Variants in ANKRD11 observed in about 807,000 individuals in gnomAD.
The protein encoded by ANKRD11 is ankyrin repeat domain-containing protein 11.
A neutral mutation model predicts 195.7 loss-of-function variants in ANKRD11; 17 were observed. The observed-to-expected ratio is 0.09, with a 90% confidence interval of 0.06 to 0.13. The LOEUF (loss-of-function observed/expected upper bound fraction) is 0.13, where lower values mean the gene tolerates loss of function less well. Ranked by LOEUF, ANKRD11 falls within the 10% of genes least tolerant of loss-of-function variation. The probability of loss-of-function intolerance (pLI) is 1.00; values close to 1 mark genes in which losing one functional copy is unlikely to be tolerated. For missense variants in ANKRD11, 3,735 were observed against 3,566.1 expected, an observed-to-expected ratio of 1.05 and a Z score of -1.21; for synonymous variants, 1,953 against 1,528.1, an observed-to-expected ratio of 1.28 and a Z score of -6.49.
At chr16:89,403,412 A>G (rs1440455806) in intron 2 of ANKRD11, among the ~76,000 whole-genome samples, 1 of 152,132 alleles carries the variant, frequency 6.6e-6, no homozygotes, top group Non-Finnish European at 1.5e-5. Context: ...CACGCAGGTG[A>G]GGGCAGAGCG....
intron 2 of ANKRD11, among the ~76,000 whole-genome samples, chr16:89,347,433 C>T (rs1567681285): frequency 6.6e-6 from 1 of 152,012 alleles, no homozygotes; most frequent in Non-Finnish European, 1.5e-5. Flanking sequence ...CACGGTGAAA[C>T]CCCGTCTCTA....
At chr16:89,396,011 G>A (rs2041410931) in intron 2 of ANKRD11, 1 of 152,200 alleles carries the variant, frequency 6.6e-6, no homozygotes, top group South Asian at 2.1e-4. Flanking sequence ...AAGAATGACC[G>A]ACCGACATGC....
At chr16:89,408,866 A>AT (rs1180578856) in intron 2 of ANKRD11, among the ~76,000 whole-genome samples, 2 of 152,258 alleles carry the variant, frequency 1.3e-5, no homozygotes, top group African/African-American at 4.8e-5. Context: ...AAAAGAGAAC[A>AT]TAAGTGAAGA....
rs553661296 is a variant in ANKRD11, at chr16:89,313,930, A to AAAAC, written c.87+2999_87+3002dup. 4.9e-3 allele frequency among the ~76,000 whole-genome samples: 754 copies of AAAAC among 152,366 alleles called. 5 individuals carry two copies. Among genetic ancestry groups the AAAAC allele is most frequent in the African/African-American group, 0.017 (718 of 41,586 alleles). ...CCTGGCTTTACTGTGAGTAGTTGGA[A>AAAAC]AAACAAACAAACAAACAAAACAGGA... On this transcript the variant is annotated intron_variant, in intron 3 of 12. Coordinates refer to ENST00000301030, the MANE Select transcript of ANKRD11 (RefSeq NM_013275.6).
Position 89,284,697 on chromosome 16 carries a change from C to T in ANKRD11, c.1845G>A (p.Ala615=), listed in dbSNP as rs774397190. 2.2e-5 allele frequency: 36 copies of T among 1,613,982 alleles called. No individual in the cohort carries two copies. In the East Asian group the frequency reaches 2.5e-4, roughly 11 times the overall value. Residue 615 remains alanine, a synonymous_variant, in exon 9 of 13, where the codon GCG becomes GCA. Transcript: ENST00000301030. ...SEKKSPFLSS[A]EGAVPKLDKE... ...TGTCCAGTTTGGGGACAGCGCCCTC[C>T]GCGCTGGACAGGAAGGGGCTCTTCT...
intron 1 of ANKRD11, among the ~76,000 whole-genome samples, chr16:89,419,092 A>C (rs950445138): frequency 6.6e-6 from 1 of 152,228 alleles, no homozygotes; most frequent in Non-Finnish European, 1.5e-5. Flanking sequence ...AAAAAAGATA[A>C]GGTGGTTTTC....
At chr16:89,415,616 ACAGGCATTCAAGAC>A (rs1463323831) in intron 2 of ANKRD11, among the ~76,000 whole-genome samples, 2 of 151,418 alleles carry the variant, frequency 1.3e-5, no homozygotes, top group East Asian at 3.9e-4. Context: ...ACAATGGAGA[ACAGGCATTCAAGAC>A]CAGCCTGGCC....
rs746615405 is a variant in ANKRD11, at chr16:89,279,315, C to T, written c.7227G>A (p.Glu2409=). 16 of 1,611,794 alleles carry T rather than the reference C, an allele frequency of 9.9e-6. No homozygotes were observed. Among genetic ancestry groups the T allele is most frequent in the Middle Eastern group, 2.2e-4 (1 of 4,570 alleles). Reference sequence around the variant, plus strand: ...TGGCGGCCAGCGTCTGCTGGATCACCTCCCGCGTCTGCTGCGTGGACGTGT... The same window carrying T: ...TGGCGGCCAGCGTCTGCTGGATCACTTCCCGCGTCTGCTGCGTGGACGTGT... The part of the protein sequence containing the change: ...QLNTSTQQTR[E]VIQQTLAAIV... Residue 2409 remains glutamate (E), a synonymous_variant, in exon 9 of 13, where the codon GAG becomes GAA. Transcript: ENST00000301030. The surrounding 1 kb of genome is among the most constrained non-coding windows in gnomAD (Gnocchi z 5.6).
intron 1 of ANKRD11, among the ~76,000 whole-genome samples, chr16:89,425,728 C>T (rs373685983): frequency 2.0e-5 from 3 of 152,220 alleles, no homozygotes; most frequent in South Asian, 4.1e-4. Flanking sequence ...GGGTGGGGTG[C>T]TATTCATTTC....
intron 11 of ANKRD11, chr16:89,271,740 C>G (rs1011454673): frequency 5.9e-5 from 9 of 152,254 alleles, no homozygotes; most frequent in African/African-American, 2.2e-4. Flanking sequence ...ATACAAACAT[C>G]AAACCAAAAT....
chr16:89,278,283 T>C, intron 9 of ANKRD11: 1 of 350,518 alleles, frequency 2.9e-6, no homozygotes, highest in South Asian at 2.1e-5. Flanking sequence ...GAGGAATCCC[T>C]GTGCCTGCTG....
intron 2 of ANKRD11, among the ~76,000 whole-genome samples, chr16:89,350,393 C>T (rs779760628): frequency 1.3e-5 from 2 of 152,166 alleles, no homozygotes; most frequent in Non-Finnish European, 2.9e-5. Flanking sequence ...TGACTCCCAA[C>T]AGCTAAAACT....
chr16:89,486,796 A>G (rs962256464), intron 1 of ANKRD11, among the ~76,000 whole-genome samples: 2 of 152,110 alleles, frequency 1.3e-5, no homozygotes, highest in African/African-American at 4.8e-5. Context: ...ACTTGAGGTC[A>G]GGAGTTTGAA....
At chr16:89,287,233 C>A in intron 7 of ANKRD11, 1 of 532,968 alleles carries the variant, frequency 1.9e-6, no homozygotes. Flanking sequence ...CGGCCCTCCT[C>A]GGGTTCTAAC....
intron 9 of ANKRD11, 196 bp downstream of exon 9, chr16:89,278,876 G>T: frequency 1.1e-6 from 1 of 911,130 alleles, no homozygotes. Flanking sequence ...AAGGACCTCG[G>T]GTCTGCAGAA....
intron 12 of ANKRD11, among the ~76,000 whole-genome samples, chr16:89,269,412 C>A (rs1411736123): frequency 1.3e-5 from 2 of 152,138 alleles, no homozygotes; most frequent in Non-Finnish European, 2.9e-5. Context: ...TGTATGAAAT[C>A]GTTTTCGAAG....
At chr16:89,435,817 C>A (rs904031673) in intron 1 of ANKRD11, among the ~76,000 whole-genome samples, 3 of 151,452 alleles carry the variant, frequency 2.0e-5, no homozygotes, top group Non-Finnish European at 4.4e-5. Context: ...CACACACACA[C>A]ACACACACAC....
chr16:89,270,989 C>T, intron 11 of ANKRD11, 80 bp from the exon 12 acceptor site: 1 of 1,348,634 alleles, frequency 7.4e-7, no homozygotes, highest in Non-Finnish European at 1.1e-6. Context: ...GGCGATGCTG[C>T]AGTGACCGTT....
chr16:89,305,252 C>A lies in ANKRD11; in HGVS notation c.180G>T (p.Leu60=). ...CCCCATTGGCGCCCGCGGTGAAGGG[C>A]AGCTTCCGCTTGCTGGCTCGCTCCC... The part of the protein sequence containing the change: ...EVRERASKRK[L]PFTAGANGEQ... The change falls in exon 4 of 13, where the codon CTG becomes CTT. Residue 60 remains leucine, a synonymous_variant. Transcript: ENST00000301030. 1.2e-6 allele frequency: 2 copies of A among 1,613,898 alleles called. No individual in the cohort carries two copies. The highest frequency in any genetic ancestry group is 1.7e-6 in the Non-Finnish European group (2 of 1,179,904).
Sources: gnomAD v4.1 joint callset for allele counts (sites outside exome capture counted in the v4.1 genomes callset) on GRCh38, gnomAD v4.1.1 for gene constraint, Gnocchi (gnomAD v3.1) non-coding constraint, MANE v1.5 for transcripts, NCBI Gene and HGNC (gene_info 2026-07-23, HGNC 2026-07-21) for gene names.